The following NR3C1 variants were observed in gnomAD, a reference collection of about 807,000 sequenced individuals.
NR3C1 encodes glucocorticoid receptor.
In NR3C1, 14 loss-of-function variants were observed where a neutral mutation model predicts 74.0. That is an observed-to-expected ratio of 0.19 (90% CI 0.12 to 0.30). NR3C1 has a LOEUF of 0.30. Ranked by LOEUF, NR3C1 falls within the 10% of genes least tolerant of loss-of-function variation. The pLI, the probability that NR3C1 is intolerant of heterozygous loss-of-function variation, is 1.00. For synonymous variants in NR3C1, 308 were observed against 332.5 expected (o/e 0.93, Z 0.80); for missense variants, 695 against 909.8 (o/e 0.76, Z 3.04).
chr5:143,353,564 G>A lies in NR3C1; in HGVS notation c.1185-39396C>T, dbSNP rs554021893. ...GCATGAGAACAACATCCATCTTGTT[G>A]TACAATTCCATTAGAGCTCTTGGGT... is the stretch of plus-strand genomic sequence containing the variant. On this transcript the variant is annotated intron_variant, in intron 2 of 8. Coordinates refer to ENST00000394464, the MANE Select transcript of NR3C1 (RefSeq NM_000176.3). 7.9e-5 allele frequency among the ~76,000 whole-genome samples: 12 copies of A among 152,290 alleles called. No homozygotes were observed. In the East Asian group the frequency reaches 2.3e-3, roughly 29 times the overall value.
chr5:143,382,476 A>G (rs1026423101), intron 2 of NR3C1, among the ~76,000 whole-genome samples: 1 of 152,368 alleles, frequency 6.6e-6, no homozygotes, highest in Non-Finnish European at 1.5e-5. Context: ...GGAGTTGTCT[A>G]ATCTTAAAAC....
At chr5:143,374,117 A>G (rs1003130897) in intron 2 of NR3C1, among the ~76,000 whole-genome samples, 7 of 152,176 alleles carry the variant, frequency 4.6e-5, no homozygotes, top group African/African-American at 1.7e-4. Flanking sequence ...CAGATTTTAA[A>G]TTGTTAAAAA....
intron 1 of NR3C1, among the ~76,000 whole-genome samples, chr5:143,419,567 G>A (rs576719095): frequency 6.6e-6 from 1 of 152,134 alleles, no homozygotes; most frequent in Non-Finnish European, 1.5e-5. Context: ...CATGTTGGTA[G>A]GTTCCGTGAT....
At chr5:143,405,418 G>T, upstream of NR3C1, 1 of 930,366 alleles carries the variant, frequency 1.1e-6, no homozygotes, top group Non-Finnish European at 1.3e-6. Context: ...GAAGCCGCCC[G>T]CCGCCATCTT....
intron 8 of NR3C1, among the ~76,000 whole-genome samples, chr5:143,282,351 A>AT (rs1298796623): frequency 6.6e-6 from 1 of 151,558 alleles, no homozygotes; most frequent in Non-Finnish European, 1.5e-5. Flanking sequence ...TAACATGGTG[A>AT]TTTTATATAC....
intron 2 of NR3C1, among the ~76,000 whole-genome samples, chr5:143,374,490 CAA>C (rs33963148): frequency 8.0e-5 from 9 of 113,072 alleles, no homozygotes; most frequent in African/African-American, 2.9e-4. Flanking sequence ...GACTCTGTCT[CAA>C]AAAAAAAAAA....
At chr5:143,325,985 A>C (rs1039275582) in intron 2 of NR3C1, among the ~76,000 whole-genome samples, 8 of 152,238 alleles carry the variant, frequency 5.3e-5, no homozygotes, top group Non-Finnish European at 7.3e-5. Context: ...TCACAATAAT[A>C]ATCATACTGG....
At chr5:143,349,300 ATC>A (rs1462106392) in intron 2 of NR3C1, among the ~76,000 whole-genome samples, 1 of 152,174 alleles carries the variant, frequency 6.6e-6, no homozygotes, top group African/African-American at 2.4e-5. Flanking sequence ...AAGGGTTAGC[ATC>A]CCCTTCTTCA....
At chr5:143,393,935 A>G (rs1242614477) in intron 2 of NR3C1, among the ~76,000 whole-genome samples, 1 of 152,102 alleles carries the variant, frequency 6.6e-6, no homozygotes. Context: ...AACACTGCAT[A>G]CTTATTGAAC....
At chr5:143,327,090 T>C (rs1322085704) in intron 2 of NR3C1, among the ~76,000 whole-genome samples, 1 of 152,196 alleles carries the variant, frequency 6.6e-6, no homozygotes, top group East Asian at 1.9e-4. Flanking sequence ...ATAAAGATAC[T>C]ATCTGAGACT....
chr5:143,300,387 G>C lies in NR3C1; in HGVS notation c.1747+98C>G, dbSNP rs1021500387. 1 of 1,452,634 alleles carries C rather than the reference G, an allele frequency of 6.9e-7. No homozygotes were observed. The highest frequency in any genetic ancestry group is 1.7e-5 in the Admixed American group (1 of 59,714). 90.0% of individuals were successfully genotyped at this position (1,452,634 alleles called of 1,614,324 possible). On this transcript the variant is annotated intron_variant, in intron 5 of 8. Coordinates refer to ENST00000394464, the MANE Select transcript of NR3C1 (RefSeq NM_000176.3). The surrounding 1 kb of genome is among the most constrained non-coding windows in gnomAD (Gnocchi z 5.2). ...TAGTCCCCAGAACTAAGAGAAACAA[G>C]ATAAGCCATGGGCTCACGATGATAT...
At chr5:143,321,661 C>CA (rs1428798493) in intron 2 of NR3C1, among the ~76,000 whole-genome samples, 1 of 152,196 alleles carries the variant, frequency 6.6e-6, no homozygotes, top group Admixed American at 6.5e-5. Flanking sequence ...TATGTCTTAT[C>CA]ACTCCCCTAC....
At chr5:143,398,076 T>C (rs554635773) in intron 2 of NR3C1, among the ~76,000 whole-genome samples, 1 of 152,072 alleles carries the variant, frequency 6.6e-6, no homozygotes, top group Non-Finnish European at 1.5e-5. Flanking sequence ...TTCCTACAGA[T>C]AGCTTAGTCA....
intron 7 of NR3C1, among the ~76,000 whole-genome samples, chr5:143,288,537 C>T (rs937800942): frequency 6.6e-6 from 1 of 151,972 alleles, no homozygotes; most frequent in Admixed American, 6.6e-5. Context: ...GTTGCCCAGG[C>T]TAGAGTGCAC....
intron 7 of NR3C1, among the ~76,000 whole-genome samples, chr5:143,293,281 G>GGAAACCAAA (rs1287044646): frequency 2.4e-4 from 36 of 152,144 alleles, no homozygotes; most frequent in Non-Finnish European, 3.4e-4. Context: ...CCCAGGAATG[G>GGAAACCAAA]GAAACCAAAT....
At chr5:143,373,918 A>T (rs1834684698) in intron 2 of NR3C1, among the ~76,000 whole-genome samples, 1 of 152,196 alleles carries the variant, frequency 6.6e-6, no homozygotes, top group East Asian at 1.9e-4. Flanking sequence ...TGTATGAAAT[A>T]AAAAAAATTT....
chr5:143,332,851 G>T, intron 2 of NR3C1: 2 of 1,452,522 alleles, frequency 1.4e-6, no homozygotes, highest in South Asian at 1.1e-5. Context: ...ATTTTTAGTG[G>T]TATCTTTGTA....
chr5:143,304,848 G>A (rs1253833942), intron 4 of NR3C1, among the ~76,000 whole-genome samples: 2 of 152,038 alleles, frequency 1.3e-5, no homozygotes, highest in Non-Finnish European at 2.9e-5. Flanking sequence ...GGCTATCCAT[G>A]TGCAGAAGAA....
At chr5:143,365,062 A>G (rs1291178927) in intron 2 of NR3C1, among the ~76,000 whole-genome samples, 1 of 152,248 alleles carries the variant, frequency 6.6e-6, no homozygotes, top group Non-Finnish European at 1.5e-5. Flanking sequence ...AAATAACTAA[A>G]AACATACAAC....
Sources: gnomAD v4.1 joint callset for allele counts (sites outside exome capture counted in the v4.1 genomes callset) on GRCh38, gnomAD v4.1.1 for gene constraint, Gnocchi (gnomAD v3.1) non-coding constraint, MANE v1.5 for transcripts, NCBI Gene and HGNC (gene_info 2026-07-23, HGNC 2026-07-21) for gene names.